COL4A5: variants seen among roughly 807,000 people sequenced by gnomAD.
COL4A5 encodes collagen alpha-5(IV) chain.
COL4A5 carries 26 observed loss-of-function variants against 130.2 expected under a neutral mutation model. That is an observed-to-expected ratio of 0.20 (90% CI 0.15 to 0.28). The LOEUF (loss-of-function observed/expected upper bound fraction) is 0.28, where lower values mean the gene tolerates loss of function less well. Among genes scored for constraint, COL4A5 ranks in the 10% least tolerant of loss-of-function variants. The probability of loss-of-function intolerance (pLI) is 1.00; values close to 1 mark genes in which losing one functional copy is unlikely to be tolerated. For synonymous variants in COL4A5, 496 were observed against 439.6 expected, an observed-to-expected ratio of 1.13 and a Z score of -1.60; for missense variants, 1,131 against 1,344.3, an observed-to-expected ratio of 0.84 and a Z score of 2.48.
In COL4A5 at chrX:108,697,020, ATTTAT is replaced by A. The variant is rs1310618670; in HGVS notation, c.*646_*650del. 9.0e-6 allele frequency: 1 copy of A among 111,635 alleles called. No homozygotes were observed. The highest frequency in any genetic ancestry group is 3.3e-5 in the African/African-American group (1 of 30,730). The allele number at this position is 111,635 out of a possible 1,213,427, so 9.2% of individuals were successfully genotyped here. ...TACATCAAGTTACTACTGAGAGTAAATTTATTTTGAGTTTTATCCCGTAAGTTCTG... is the reference window on the plus strand; with the variant it reads ...TACATCAAGTTACTACTGAGAGTAAATTTGAGTTTTATCCCGTAAGTTCTG... On this transcript the variant is annotated 3_prime_UTR_variant, in exon 53 of 53. Coordinates refer to ENST00000328300, the MANE Select transcript of COL4A5 (RefSeq NM_033380.3).
At chrX:108,570,900 C>A (rs1450946294) in intron 6 of COL4A5, among the ~76,000 whole-genome samples, 4 of 112,014 alleles carry the variant, frequency 3.6e-5, no homozygotes, top group African/African-American at 6.5e-5. Flanking sequence ...GTGAGAAAAG[C>A]TGGGTGCCTA....
chrX:108,479,950 C>T (rs760178453), intron 1 of COL4A5, among the ~76,000 whole-genome samples: 17 of 111,404 alleles, frequency 1.5e-4, no homozygotes, highest in Non-Finnish European at 2.4e-4. Context: ...AGGCCTCTGC[C>T]GTTACTCACC....
At chrX:108,628,597 T>A (rs1302409083) in intron 36 of COL4A5, among the ~76,000 whole-genome samples, 2 of 111,839 alleles carry the variant, frequency 1.8e-5, no homozygotes, top group African/African-American at 3.2e-5. Context: ...CGAGAGGACT[T>A]GGTTATGTAT....
chrX:108,535,646 A>T (rs771840026), intron 1 of COL4A5, among the ~76,000 whole-genome samples: 1 of 110,616 alleles, frequency 9.0e-6, no homozygotes, highest in Admixed American at 9.7e-5. Flanking sequence ...TGGGATTGTG[A>T]GGTACATTTA....
intron 37 of COL4A5, among the ~76,000 whole-genome samples, chrX:108,658,515 C>A (rs2067890292): frequency 9.0e-6 from 1 of 111,155 alleles, no homozygotes; most frequent in Non-Finnish European, 1.9e-5. Flanking sequence ...TCATAGAATT[C>A]ACCAGTTAAG....
chrX:108,466,076 A>G (rs185032093), intron 1 of COL4A5, among the ~76,000 whole-genome samples: 3 of 111,758 alleles, frequency 2.7e-5, no homozygotes, highest in East Asian at 2.8e-4. Flanking sequence ...TTCATTGTAC[A>G]TCATCCCTTT....
intron 1 of COL4A5, among the ~76,000 whole-genome samples, chrX:108,449,866 A>G (rs1324959100): frequency 2.7e-5 from 3 of 112,303 alleles, no homozygotes; most frequent in Admixed American, 9.4e-5. Context: ...CACCTTGAAG[A>G]TTATAATTTT....
intron 1 of COL4A5, among the ~76,000 whole-genome samples, chrX:108,519,460 A>G (rs769840919): frequency 1.8e-5 from 2 of 111,049 alleles, no homozygotes; most frequent in Admixed American, 1.9e-4. Context: ...AAAGTTGCAA[A>G]TAATTTTTGC....
At chrX:108,463,225 T>C (rs1168513001) in intron 1 of COL4A5, among the ~76,000 whole-genome samples, 3 of 112,196 alleles carry the variant, frequency 2.7e-5, no homozygotes, top group Non-Finnish European at 5.6e-5. Context: ...TAAAGCTTTG[T>C]TATATATGTG....
At chrX:108,552,613 A>G (rs1000063262) in intron 2 of COL4A5, among the ~76,000 whole-genome samples, 1 of 112,009 alleles carries the variant, frequency 8.9e-6, no homozygotes, top group Non-Finnish European at 1.9e-5. Flanking sequence ...AAAACTACAA[A>G]AAATATTGCG....
chrX:108,581,885 T>C (rs983289056), intron 16 of COL4A5, among the ~76,000 whole-genome samples: 4 of 110,249 alleles, frequency 3.6e-5, no homozygotes, highest in Non-Finnish European at 7.6e-5. Flanking sequence ...TTTTTGTGTG[T>C]GTGTGAACAT....
Position 108,684,642 on chromosome X carries a change from A to T in COL4A5, c.4217-1389A>T, listed in dbSNP as rs184247819. On this transcript the variant is annotated intron_variant, in intron 47 of 52. Transcript: ENST00000328300. ...TACCACCCAAAAAAAGTCCAGGACC[A>T]GACGGCTTCACAGCCAAATTCTGCC... Among the ~76,000 whole-genome samples the T allele has an allele frequency of 1.9e-3, 209 of 112,902 alleles. 1 individual carries two copies. The highest frequency in any genetic ancestry group is 6.6e-3 in the African/African-American group (206 of 31,139).
chrX:108,512,767 C>G (rs2065190107), intron 1 of COL4A5, among the ~76,000 whole-genome samples: 1 of 110,958 alleles, frequency 9.0e-6, no homozygotes, highest in African/African-American at 3.3e-5. Context: ...AGGACCCGGG[C>G]GAAATTAAAA....
intron 1 of COL4A5, among the ~76,000 whole-genome samples, chrX:108,476,495 A>G (rs1222345866): frequency 9.4e-6 from 1 of 106,216 alleles, no homozygotes; most frequent in Non-Finnish European, 1.9e-5. Context: ...TGTGGTATCA[A>G]ATACTAGGCA....
At chrX:108,499,832 G>A (rs903304382) in intron 1 of COL4A5, among the ~76,000 whole-genome samples, 2 of 111,131 alleles carry the variant, frequency 1.8e-5, no homozygotes, top group Admixed American at 9.6e-5. Context: ...ATATGTATAC[G>A]TTTATATATA....
At chrX:108,604,322 TG>T (rs2066693044) in intron 28 of COL4A5, among the ~76,000 whole-genome samples, 1 of 112,418 alleles carries the variant, frequency 8.9e-6, no homozygotes, top group Non-Finnish European at 1.9e-5. Context: ...GGCTGCAGAA[TG>T]GGTATTGTGT....
intron 50 of COL4A5, chrX:108,693,749 G>C (rs779386163): frequency 1.2e-4 from 13 of 111,168 alleles, no homozygotes; most frequent in Non-Finnish European, 2.1e-4. Context: ...ATGGGAAGAA[G>C]GTGGTAGCTG....
intron 36 of COL4A5, among the ~76,000 whole-genome samples, chrX:108,640,748 T>G (rs977291527): frequency 3.6e-5 from 4 of 111,971 alleles, no homozygotes; most frequent in Admixed American, 9.5e-5. Context: ...GATTTATGTT[T>G]TGTATATTTT....
intron 1 of COL4A5, among the ~76,000 whole-genome samples, chrX:108,498,529 A>G (rs1344064516): frequency 3.6e-5 from 4 of 111,584 alleles, no homozygotes; most frequent in African/African-American, 1.3e-4. Context: ...TTTTACAACA[A>G]TATCTCTGAT....
Sources: gnomAD v4.1 joint callset for allele counts (sites outside exome capture counted in the v4.1 genomes callset) on GRCh38, gnomAD v4.1.1 for gene constraint, MANE v1.5 for transcripts, NCBI Gene and HGNC (gene_info 2026-07-23, HGNC 2026-07-21) for gene names.